MAP1B: variants seen among roughly 807,000 people sequenced by gnomAD.
MAP1B encodes the protein microtubule associated protein 1B.
In MAP1B, 12 loss-of-function variants were observed where a neutral mutation model predicts 176.1. The observed-to-expected ratio is 0.07, with a 90% CI of 0.04 to 0.11. The LOEUF (loss-of-function observed/expected upper bound fraction) is 0.11, where lower values mean the gene tolerates loss of function less well. Ranked by LOEUF, MAP1B falls within the 10% of genes least tolerant of loss-of-function variation. The pLI, the probability that MAP1B is intolerant of heterozygous loss-of-function variation, is 1.00. For synonymous variants in MAP1B, 1,044 were observed against 1,135.0 expected, an observed-to-expected ratio of 0.92 and a Z score of 1.61; for missense variants, 2,523 against 2,990.5, an observed-to-expected ratio of 0.84 and a Z score of 3.65.
In MAP1B at chr5:72,195,461, A is replaced by C. The variant is rs776305184; in HGVS notation, c.2106A>C (p.Lys702Asn). The change falls in exon 5 of 7, where the codon AAA becomes AAC. Residue 702 changes from lysine (K) to asparagine (N), a missense_variant. Coordinates refer to ENST00000296755, the MANE Select transcript of MAP1B (RefSeq NM_005909.5). ...EKKEPKKEVKKETPPKEVKKE... is the reference protein window; with the variant it reads ...EKKEPKKEVKNETPPKEVKKE... ...AAGAACCCAAGAAAGAGGTTAAGAA[A>C]GAAACACCGCCAAAGGAAGTCAAGA... 2.5e-6 allele frequency: 4 copies of C among 1,587,366 alleles called. No individual in the cohort carries two copies.
At chr5:72,193,467 C>G in intron 4 of MAP1B, 1 of 321,232 alleles carries the variant, frequency 3.1e-6, no homozygotes, top group Non-Finnish European at 6.0e-6. Context: ...GCATCTTTGC[C>G]TTTATTCTAG....
intron 2 of MAP1B, among the ~76,000 whole-genome samples, chr5:72,120,386 T>C (rs947312415): frequency 5.3e-5 from 8 of 152,068 alleles, no homozygotes; most frequent in African/African-American, 1.9e-4. Flanking sequence ...TCTTCTTGTT[T>C]GTAAACAAGG....
chr5:72,157,729 G>A (rs1746251563), intron 2 of MAP1B, among the ~76,000 whole-genome samples: 1 of 152,210 alleles, frequency 6.6e-6, no homozygotes, highest in Non-Finnish European at 1.5e-5. Context: ...TGCTGTAAAA[G>A]CAAAGCCCAA....
rs766166432 is a variant in MAP1B at position 72,198,184 on chromosome 5, A to T, written c.4829A>T (p.Lys1610Ile). The change falls in exon 5 of 7, where the codon AAA becomes ATA. Residue 1610 changes from lysine (K) to isoleucine (I), a missense_variant. Coordinates refer to ENST00000296755, the MANE Select transcript of MAP1B (RefSeq NM_005909.5). ...TFQETEMSPS[K>I]EECPRPMSIS... Reference sequence around the variant, plus strand: ...CAGGAAACAGAAATGTCTCCATCTAAAGAAGAATGCCCAAGACCGATGTCA... The same window carrying T: ...CAGGAAACAGAAATGTCTCCATCTATAGAAGAATGCCCAAGACCGATGTCA... 6.2e-7 allele frequency: 1 copy of T among 1,614,218 alleles called. No individual in the cohort carries two copies. The highest frequency in any genetic ancestry group is 8.5e-7 in the Non-Finnish European group (1 of 1,180,034).
chr5:72,139,111 A>T (rs932679494), intron 2 of MAP1B, among the ~76,000 whole-genome samples: 10 of 152,208 alleles, frequency 6.6e-5, no homozygotes, highest in Non-Finnish European at 1.2e-4. Context: ...AGCTCTTATG[A>T]ATACTAACCT....
intron 2 of MAP1B, among the ~76,000 whole-genome samples, chr5:72,119,832 A>G (rs1745495019): frequency 6.6e-6 from 1 of 152,172 alleles, no homozygotes; most frequent in Non-Finnish European, 1.5e-5. Flanking sequence ...TATTTCTTTA[A>G]AGTTATGATT....
chr5:72,115,576 T>A (rs1321708853), intron 1 of MAP1B, 122 bp from the exon 2 acceptor site: 3 of 671,878 alleles, frequency 4.5e-6, no homozygotes, highest in East Asian at 2.7e-5. Flanking sequence ...GCCACCAAGC[T>A]CTTCAGAAAA....
At chr5:72,183,895 G>A in intron 3 of MAP1B, 70 bp downstream of exon 3, 2 of 1,369,154 alleles carry the variant, frequency 1.5e-6, no homozygotes, top group Non-Finnish European at 2.1e-6. Flanking sequence ...TGGATTAGAA[G>A]GGCTGGGCAA....
intron 2 of MAP1B, among the ~76,000 whole-genome samples, chr5:72,172,800 T>A (rs1266687129): frequency 6.6e-6 from 1 of 152,182 alleles, no homozygotes; most frequent in Admixed American, 6.5e-5. Flanking sequence ...TTGTTATTGA[T>A]CAATAAGGTA....
chr5:72,139,365 T>G (rs1745898990), intron 2 of MAP1B, among the ~76,000 whole-genome samples: 2 of 152,240 alleles, frequency 1.3e-5, no homozygotes, highest in Non-Finnish European at 2.9e-5. Context: ...CTGGCTGCTC[T>G]GCAAATATAT....
In MAP1B at chr5:72,195,575, G is replaced by T; in HGVS notation, c.2220G>T (p.Lys740Asn). 6.2e-7 allele frequency: 1 copy of T among 1,613,156 alleles called. No individual in the cohort carries two copies. Among genetic ancestry groups the T allele is most frequent in the Non-Finnish European group, 8.5e-7 (1 of 1,179,792 alleles). Residue 740 changes from lysine (K) to asparagine (N), a missense_variant, in exon 5 of 7, where the codon AAG (lysine) becomes AAT (asparagine). By Grantham distance (94) the Lys-to-Asn change is moderately conservative (BLOSUM62 0). Coordinates refer to ENST00000296755, the MANE Select transcript of MAP1B (RefSeq NM_005909.5). ...TTAAGAAGCTCCCTAAAGACGCAAA[G>T]AAATCATCTACTCCTCTGTCTGAAG... ...KEIKKLPKDAKKSSTPLSEAK... is the reference protein window; with the variant it reads ...KEIKKLPKDANKSSTPLSEAK...
chr5:72,107,692 G>A lies in MAP1B; in HGVS notation c.161G>A (p.Arg54His). The stretch of plus-strand genomic sequence containing the variant: ...ATCGTGACCGAGGAGCACCTGCGGC[G>A]TGCCATCGGCAACATCGAGCTCGGT... The part of the protein sequence containing the change: ...GEIVTEEHLR[R>H]AIGNIELGIR... Residue 54 changes from arginine to histidine, a missense_variant, in exon 1 of 7, where the codon CGT becomes CAT. Physicochemically the swap from Arg to His is conservative, Grantham distance 29. Coordinates refer to ENST00000296755, the MANE Select transcript of MAP1B (RefSeq NM_005909.5). 4.4e-6 allele frequency: 7 copies of A among 1,599,762 alleles called. No homozygotes were observed. Among genetic ancestry groups the A allele is most frequent in the Non-Finnish European group, 5.9e-6 (7 of 1,179,616 alleles).
intron 2 of MAP1B, among the ~76,000 whole-genome samples, chr5:72,173,334 G>A (rs1746582007): frequency 6.6e-6 from 1 of 152,200 alleles, no homozygotes; most frequent in African/African-American, 2.4e-5. Context: ...GATAGGGGTA[G>A]CATCTCATTC....
intron 2 of MAP1B, among the ~76,000 whole-genome samples, chr5:72,123,119 G>T: frequency 6.6e-6 from 1 of 152,072 alleles, no homozygotes; most frequent in East Asian, 1.9e-4. Flanking sequence ...TAAACTAATA[G>T]ATCACTTTAA....
chr5:72,170,098 C>T (rs886750595), intron 2 of MAP1B, among the ~76,000 whole-genome samples: 6 of 152,176 alleles, frequency 3.9e-5, no homozygotes, highest in Non-Finnish European at 2.9e-5. Flanking sequence ...AATTTAGATT[C>T]CTGTTAGTGG....
intron 4 of MAP1B, among the ~76,000 whole-genome samples, chr5:72,192,887 A>G (rs767061325): frequency 2.6e-5 from 4 of 152,208 alleles, no homozygotes; most frequent in Admixed American, 2.6e-4. Context: ...ATTAAACCAC[A>G]ATTTCTGTTT....
intron 2 of MAP1B, 62 bp from the exon 3 acceptor site, chr5:72,183,676 AGGCAG>A: frequency 3.5e-6 from 4 of 1,142,988 alleles, no homozygotes; most frequent in Non-Finnish European, 5.3e-6. Flanking sequence ...TCCCAGGAGC[AGGCAG>A]GGCAGTTTTT....
At chr5:72,114,164 G>T (rs1234373147) in intron 1 of MAP1B, among the ~76,000 whole-genome samples, 1 of 151,928 alleles carries the variant, frequency 6.6e-6, no homozygotes, top group East Asian at 1.9e-4. Context: ...AAAGGTCTGT[G>T]GTGTGTAATC....
At position 72,198,970 on chromosome 5, in the gene MAP1B, A is replaced by T; in HGVS notation, c.5615A>T (p.Tyr1872Phe). 2 of 1,614,196 alleles carry T rather than the reference A, an allele frequency of 1.2e-6. No individual in the cohort carries two copies. Among genetic ancestry groups the T allele is most frequent in the Non-Finnish European group, 1.7e-6 (2 of 1,180,026 alleles). The change falls in exon 5 of 7, where the codon TAT becomes TTT. Residue 1872 changes from tyrosine (Y) to phenylalanine (F), a missense_variant. Coordinates refer to ENST00000296755, the MANE Select transcript of MAP1B (RefSeq NM_005909.5). Reference protein sequence around the residue: ...GKTPGDFSYAYQKPEETTRSP... With the variant: ...GKTPGDFSYAFQKPEETTRSP... The stretch of plus-strand genomic sequence containing the variant: ...ACACCTGGTGACTTTAGCTATGCCT[A>T]TCAAAAGCCTGAGGAAACAACCAGG...
Sources: allele counts gnomAD v4.1 joint callset (sites outside exome capture counted in the v4.1 genomes callset), GRCh38; gene constraint gnomAD v4.1.1; transcripts MANE v1.5; gene names NCBI Gene and HGNC (gene_info 2026-07-23, HGNC 2026-07-21).